Variants in C10orf53 observed in about 807,000 individuals in gnomAD.
The protein encoded by C10orf53 is chromosome 10 open reading frame 53.
A neutral mutation model predicts 9.4 loss-of-function variants in C10orf53; 8 were observed. The observed-to-expected ratio is 0.85, with a 90% CI of 0.50 to 1.53. The LOEUF is 1.53. Ranked by LOEUF, C10orf53 falls within the 40% of genes most tolerant of loss-of-function variation. The pLI, the probability that C10orf53 is intolerant of heterozygous loss-of-function variation, is 0.00. For synonymous variants in C10orf53, 48 were observed against 46.0 expected, an observed-to-expected ratio of 1.04 and a Z score of -0.18; for missense variants, 117 against 117.8, an observed-to-expected ratio of 0.99 and a Z score of 0.03.
At position 49,693,833 on chromosome 10, in the gene C10orf53, G is replaced by A; in HGVS notation, c.157G>A (p.Val53Met). 2 of 1,614,104 alleles carry A rather than the reference G, an allele frequency of 1.2e-6. No homozygotes were observed. Among genetic ancestry groups the A allele is most frequent in the Non-Finnish European group, 1.7e-6 (2 of 1,179,900 alleles). ...ILEKIEDWNV[V>M]ELMVNEEVIF... is the part of the protein sequence containing the mutation. ...AGAGAAGATAGAAGACTGGAATGTG[G>A]TGGAACTCATGGTGAATGAAGAAGT... is the stretch of plus-strand genomic sequence containing the variant. The change falls in exon 2 of 3, where the codon GTG becomes ATG. Residue 53 changes from valine to methionine, a missense_variant. Coordinates refer to ENST00000374111, the MANE Select transcript of C10orf53 (RefSeq NM_001042427.3).
Position 49,695,966 on chromosome 10 carries a change from C to T in C10orf53, c.*1364C>T, listed in dbSNP as rs981589807. The T allele has an allele frequency of 4.6e-5, 7 of 152,054 alleles. No homozygotes were observed. Among genetic ancestry groups the T allele is most frequent in the Non-Finnish European group, 8.8e-5 (6 of 68,022 alleles). The allele number at this position is 152,054 out of a possible 1,614,324, so 9.4% of individuals were successfully genotyped here. The stretch of plus-strand genomic sequence containing the variant: ...ATCTTTGTTTCAATATAACATTTTA[C>T]TACAAGAGAAATCCATTCTCATTAA... On this transcript the variant is annotated 3_prime_UTR_variant, in exon 3 of 3. Transcript: ENST00000374111.
At chr10:49,692,905 A>C (rs1006766086) in intron 1 of C10orf53, among the ~76,000 whole-genome samples, 13 of 152,240 alleles carry the variant, frequency 8.5e-5, no homozygotes, top group Admixed American at 6.5e-5. Context: ...TTTCTAAAAA[A>C]CTTTTTTTCA....
intron 2 of C10orf53, among the ~76,000 whole-genome samples, chr10:49,705,541 C>T (rs932184878): frequency 6.6e-6 from 1 of 152,084 alleles, no homozygotes; most frequent in Non-Finnish European, 1.5e-5. Context: ...CCACTTGCCT[C>T]AAGAAATGGT....
chr10:49,702,739 A>G (rs1043728993), intron 2 of C10orf53, among the ~76,000 whole-genome samples: 25 of 152,202 alleles, frequency 1.6e-4, no homozygotes, highest in African/African-American at 6.0e-4. Flanking sequence ...TATAGACTAT[A>G]TAGATATACA....
chr10:49,705,856 T>A (rs1233371669), intron 2 of C10orf53, among the ~76,000 whole-genome samples: 1 of 151,362 alleles, frequency 6.6e-6, no homozygotes, highest in Non-Finnish European at 1.5e-5. Flanking sequence ...AATGAGTTTT[T>A]AAAAATCATA....
chr10:49,704,260 A>T (rs372841202), intron 2 of C10orf53, among the ~76,000 whole-genome samples: 3 of 152,242 alleles, frequency 2.0e-5, no homozygotes, highest in African/African-American at 7.2e-5. Flanking sequence ...CTTGTGAAAG[A>T]AGGCATTTGC....
intron 1 of C10orf53, among the ~76,000 whole-genome samples, chr10:49,692,805 T>G (rs925549201): frequency 5.9e-5 from 9 of 152,240 alleles, no homozygotes; most frequent in African/African-American, 2.2e-4. Context: ...AATTATTCCA[T>G]AACTGTTCTC....
intron 1 of C10orf53, among the ~76,000 whole-genome samples, chr10:49,681,356 G>C (rs930457482): frequency 2.0e-5 from 3 of 152,176 alleles, no homozygotes; most frequent in Non-Finnish European, 1.5e-5. Flanking sequence ...GAGTCTTCCA[G>C]GCAAAATACC....
At chr10:49,690,176 A>T (rs967916691) in intron 1 of C10orf53, among the ~76,000 whole-genome samples, 15 of 152,308 alleles carry the variant, frequency 9.8e-5, no homozygotes, top group African/African-American at 3.4e-4. Context: ...AAAGAGCAAG[A>T]GGAGCATTTT....
intron 2 of C10orf53, among the ~76,000 whole-genome samples, chr10:49,703,453 G>T (rs1160773133): frequency 2.0e-5 from 3 of 152,108 alleles, no homozygotes; most frequent in Non-Finnish European, 4.4e-5. Context: ...CTATGAAAAG[G>T]ACCGAAAATT....
intron 2 of C10orf53, among the ~76,000 whole-genome samples, chr10:49,707,019 AT>A (rs1319471003): frequency 6.6e-6 from 1 of 152,158 alleles, no homozygotes; most frequent in Non-Finnish European, 1.5e-5. Context: ...ATGTTGTTTG[AT>A]TTTTTTACAA....
chr10:49,709,945 CTGTGTG>C (rs147584592), exon 3 of C10orf53: 2,175 of 111,860 alleles, frequency 0.019, 43 homozygotes, highest in East Asian at 0.098. Flanking sequence ...CACCCTATAT[CTGTGTG>C]TGTGTGTGTG....
chr10:49,689,794 G>A (rs2132879427), intron 1 of C10orf53, among the ~76,000 whole-genome samples: 1 of 152,206 alleles, frequency 6.6e-6, no homozygotes, highest in East Asian at 1.9e-4. Context: ...AAGACAGAGG[G>A]AGAGAAGAAT....
rs541217990 is a variant in C10orf53, at chr10:49,708,488, G to T, written c.345G>T (p.Leu115=). 3.7e-6 allele frequency: 6 copies of T among 1,614,144 alleles called. No homozygotes were observed. The African/African-American group carries it at 8.0e-5, about 22-fold the overall frequency. The change falls in exon 3 of 3, where the codon CTG becomes CTT. Residue 115 remains leucine, a synonymous_variant. Transcript: ENST00000374112. ...AGTTCCCACAAAAGACCCAGGACCT[G>T]ACTTGTACTGTATTGGCCCAGATTG...
Position 49,694,593 on chromosome 10 carries a change from TG to T in C10orf53, c.274del (p.Ala92ProfsTer23). 1 of 1,614,252 alleles carries T rather than the reference TG, an allele frequency of 6.2e-7. No individual in the cohort carries two copies. Among genetic ancestry groups the T allele is most frequent in the African/African-American group, 1.3e-5 (1 of 75,068 alleles). ...CEKARIAVLN[A>X]Y ...AAAAGGCCAGGATAGCCGTGCTGAATGCCTACTGATCTCCTCATGGAACAGG... is the reference window on the plus strand; with the variant it reads ...AAAAGGCCAGGATAGCCGTGCTGAATCCTACTGATCTCCTCATGGAACAGG... On this transcript the variant is annotated frameshift_variant, in exon 3 of 3. Coordinates refer to ENST00000374111, the MANE Select transcript of C10orf53 (RefSeq NM_001042427.3). LOFTEE classifies it high-confidence loss of function.
At position 49,694,669 on chromosome 10, in the gene C10orf53, G is replaced by T; in HGVS notation, c.*67G>T. 6.2e-7 allele frequency: 1 copy of T among 1,611,340 alleles called. No individual in the cohort carries two copies. Among genetic ancestry groups the T allele is most frequent in the Non-Finnish European group, 8.5e-7 (1 of 1,178,670 alleles). ...CTGCCCCAGCCATTCTATGATGCAGGCAGAAGTGGCTGTGCCACGGTGTGG... is the reference window on the plus strand; with the variant it reads ...CTGCCCCAGCCATTCTATGATGCAGTCAGAAGTGGCTGTGCCACGGTGTGG... On this transcript the variant is annotated 3_prime_UTR_variant, in exon 3 of 3. Transcript: ENST00000374111.
At chr10:49,683,872 G>C (rs1262079254) in intron 1 of C10orf53, among the ~76,000 whole-genome samples, 4 of 151,940 alleles carry the variant, frequency 2.6e-5, no homozygotes, top group Non-Finnish European at 5.9e-5. Flanking sequence ...TTCCAGACTG[G>C]GTGACAGAGC....
At chr10:49,680,236 A>T (rs535948850) in intron 1 of C10orf53, among the ~76,000 whole-genome samples, 22 of 152,314 alleles carry the variant, frequency 1.4e-4, no homozygotes, top group Admixed American at 8.5e-4. Context: ...TTAAACAGTG[A>T]TGAATGTCCT....
chr10:49,698,146 T>G (rs1280742797), downstream of C10orf53, among the ~76,000 whole-genome samples: 3 of 152,002 alleles, frequency 2.0e-5, no homozygotes, highest in African/African-American at 4.8e-5. Flanking sequence ...AAAAATTAGC[T>G]GAGTGCAGTG....
Sources: allele counts gnomAD v4.1 joint callset (sites outside exome capture counted in the v4.1 genomes callset), GRCh38; gene constraint gnomAD v4.1.1; transcripts MANE v1.5; gene names NCBI Gene and HGNC (gene_info 2026-07-23, HGNC 2026-07-21).